WDR70: variants seen among roughly 807,000 people sequenced by gnomAD.
The protein encoded by WDR70 is WD repeat domain 70, also known as WD repeat-containing protein 70.
WDR70 carries 53 observed loss-of-function variants against 88.6 expected under a neutral mutation model. The ratio of observed to expected loss-of-function variants is 0.60; its 90% CI spans 0.48 to 0.75. The LOEUF is 0.75. Ranked by LOEUF, WDR70 falls within the 30% of genes least tolerant of loss-of-function variation. The pLI, the probability that WDR70 is intolerant of heterozygous loss-of-function variation, is 0.00. For synonymous variants in WDR70, 280 were observed against 270.0 expected, an observed-to-expected ratio of 1.04 and a Z score of -0.36; for missense variants, 610 against 823.2, an observed-to-expected ratio of 0.74 and a Z score of 3.17.
At position 37,514,339 on chromosome 5, in the gene WDR70, C is replaced by T. The variant is rs369189384; in HGVS notation, c.841-2175C>T. Among the ~76,000 whole-genome samples, 230 of 28,736 alleles carry T rather than the reference C, an allele frequency of 8.0e-3. 10 individuals are homozygous for T. The highest frequency in any genetic ancestry group is 0.024 in the Non-Finnish European group (173 of 7,274). 18.9% of individuals were successfully genotyped at this position (28,736 alleles called of 152,430 possible). ...CGACATTATGGCATATTTAGAACTA[C>T]ATATATATATATATATATATGTATG... is the stretch of plus-strand genomic sequence containing the variant. On this transcript the variant is annotated intron_variant, in intron 8 of 17. Coordinates refer to ENST00000265107, the MANE Select transcript of WDR70 (RefSeq NM_018034.4).
chr5:37,717,744 G>C (rs1362085429), intron 13 of WDR70, among the ~76,000 whole-genome samples: 1 of 152,148 alleles, frequency 6.6e-6, no homozygotes, highest in Non-Finnish European at 1.5e-5. Flanking sequence ...GGGATTGTTT[G>C]GTTTGGCAGG....
chr5:37,467,373 C>T (rs969718263), intron 7 of WDR70, among the ~76,000 whole-genome samples: 11 of 151,962 alleles, frequency 7.2e-5, no homozygotes, highest in African/African-American at 2.7e-4. Flanking sequence ...TCTCAGTATC[C>T]TCACATGGTA....
chr5:37,447,427 A>C (rs556851894), intron 7 of WDR70, among the ~76,000 whole-genome samples: 12 of 152,216 alleles, frequency 7.9e-5, no homozygotes, highest in East Asian at 3.9e-4. Flanking sequence ...CCCAGCCATC[A>C]CATTACTGGT....
intron 7 of WDR70, among the ~76,000 whole-genome samples, chr5:37,472,027 T>C (rs185497220): frequency 2.6e-5 from 4 of 152,054 alleles, no homozygotes; most frequent in East Asian, 1.9e-4. Context: ...ATATTTGTTA[T>C]AGTTTTTTTT....
At chr5:37,529,695 A>G (rs1241509206) in intron 9 of WDR70, among the ~76,000 whole-genome samples, 1 of 152,052 alleles carries the variant, frequency 6.6e-6, no homozygotes, top group Non-Finnish European at 1.5e-5. Flanking sequence ...ACCTTACTGA[A>G]TTTATTTACC....
intron 10 of WDR70, among the ~76,000 whole-genome samples, chr5:37,657,088 G>A (rs572776219): frequency 2.0e-5 from 3 of 152,234 alleles, no homozygotes; most frequent in South Asian, 4.2e-4. Context: ...CCAAATGGCC[G>A]CCCAGTTTTG....
intron 7 of WDR70, among the ~76,000 whole-genome samples, chr5:37,446,472 G>A (rs577847861): frequency 1.8e-3 from 273 of 152,178 alleles, no homozygotes; most frequent in African/African-American, 6.0e-3. Flanking sequence ...AAAAGAGCCC[G>A]CATCGCCAAG....
At chr5:37,669,375 A>G (rs1745954645) in intron 10 of WDR70, among the ~76,000 whole-genome samples, 1 of 148,102 alleles carries the variant, frequency 6.8e-6, no homozygotes, top group Admixed American at 6.9e-5. Flanking sequence ...AAACATCTTG[A>G]CCTGGAACAT....
chr5:37,427,681 G>A (rs921108699), intron 5 of WDR70, among the ~76,000 whole-genome samples: 2 of 152,016 alleles, frequency 1.3e-5, no homozygotes, highest in African/African-American at 2.4e-5. Flanking sequence ...GAGGTCAGGA[G>A]TTCGAGACCA....
Position 37,752,753 on chromosome 5 carries a change from C to G in WDR70, c.*180C>G, listed in dbSNP as rs1269184975. On this transcript the variant is annotated 3_prime_UTR_variant, in exon 18 of 18. Transcript: ENST00000265107. ...CTAAAATTGTGCTTAAATTTTCTTA[C>G]CTGCAACTATTAAACTGATTACAGA... 6 of 542,498 alleles carry G rather than the reference C, an allele frequency of 1.1e-5. No individual in the cohort carries two copies. In the Admixed American group the frequency reaches 1.5e-4, roughly 13 times the overall value. 33.6% of individuals were successfully genotyped at this position (542,498 alleles called of 1,614,324 possible).
intron 3 of WDR70, chr5:37,381,920 G>T (rs1208056451): frequency 1.1e-5 from 4 of 352,786 alleles, no homozygotes; most frequent in Non-Finnish European, 2.2e-5. Flanking sequence ...TGGGCATGGT[G>T]CAGGGGCCTG....
At chr5:37,452,107 G>A (rs1309886232) in intron 7 of WDR70, among the ~76,000 whole-genome samples, 1 of 152,168 alleles carries the variant, frequency 6.6e-6, no homozygotes, top group African/African-American at 2.4e-5. Context: ...TCTAGTTTCT[G>A]ATTGTAACAC....
intron 10 of WDR70, among the ~76,000 whole-genome samples, chr5:37,635,614 T>A (rs1744940167): frequency 6.6e-6 from 1 of 152,030 alleles, no homozygotes; most frequent in South Asian, 2.1e-4. Context: ...CAACTGAATC[T>A]CAGTGAGAAA....
intron 9 of WDR70, among the ~76,000 whole-genome samples, chr5:37,600,765 G>A (rs1743857944): frequency 6.6e-6 from 1 of 151,976 alleles, no homozygotes; most frequent in Admixed American, 6.6e-5. Context: ...TGTTGATGAG[G>A]AGGCAAAGAA....
intron 11 of WDR70, chr5:37,697,968 T>C (rs1336713538): frequency 6.9e-6 from 3 of 431,844 alleles, no homozygotes; most frequent in East Asian, 4.0e-5. Flanking sequence ...ATTTACTTTT[T>C]TTTGGCCTAA....
At chr5:37,554,108 CTTTTTT>C (rs75489460) in intron 9 of WDR70, among the ~76,000 whole-genome samples, 2 of 134,438 alleles carry the variant, frequency 1.5e-5, no homozygotes, top group African/African-American at 5.5e-5. Context: ...TGCAATACTC[CTTTTTT>C]TTTTTTTTTT....
At chr5:37,479,516 C>T (rs1157478598) in intron 7 of WDR70, 3 of 189,100 alleles carry the variant, frequency 1.6e-5, no homozygotes, top group East Asian at 2.5e-4. Context: ...ATTACAGGTG[C>T]CCATCACCAT....
chr5:37,614,739 C>T lies in WDR70; in HGVS notation c.1092+9501C>T, dbSNP rs142740355. On this transcript the variant is annotated intron_variant, in intron 10 of 17. Coordinates refer to ENST00000265107, the MANE Select transcript of WDR70 (RefSeq NM_018034.4). ...CCCCTTATAGAAAAAGATTTTGACCCCTGTCATATAGTTTCTAATTTGGAT... is the reference window on the plus strand; with the variant it reads ...CCCCTTATAGAAAAAGATTTTGACCTCTGTCATATAGTTTCTAATTTGGAT... Among the ~76,000 whole-genome samples, 1,274 of 152,184 alleles carry T rather than the reference C, an allele frequency of 8.4e-3. 11 individuals carry two copies. Among genetic ancestry groups the T allele is most frequent in the Non-Finnish European group, 0.014 (943 of 68,002 alleles).
At chr5:37,532,287 G>T (rs749043480) in intron 9 of WDR70, among the ~76,000 whole-genome samples, 5 of 152,164 alleles carry the variant, frequency 3.3e-5, no homozygotes, top group Non-Finnish European at 5.9e-5. Context: ...TGAGCTTCTT[G>T]TATTTGGATA....
Sources: gnomAD v4.1 joint callset for allele counts (sites outside exome capture counted in the v4.1 genomes callset) on GRCh38, gnomAD v4.1.1 for gene constraint, MANE v1.5 for transcripts, NCBI Gene and HGNC (gene_info 2026-07-23, HGNC 2026-07-21) for gene names.